The following CNTN4 variants were observed in gnomAD, a reference collection of about 807,000 sequenced individuals.
CNTN4 encodes the protein contactin-4.
In CNTN4, 77 loss-of-function variants were observed where a neutral mutation model predicts 122.5. The observed-to-expected ratio is 0.63, with a 90% CI of 0.52 to 0.76. The LOEUF (loss-of-function observed/expected upper bound fraction) is 0.76, where lower values mean the gene tolerates loss of function less well. CNTN4 is among the 30% of genes least tolerant of loss of function. The pLI is 0.00. For missense variants in CNTN4, 1,256 were observed against 1,259.1 expected, an observed-to-expected ratio of 1.00 and a Z score of 0.04; for synonymous variants, 512 against 447.0, an observed-to-expected ratio of 1.15 and a Z score of -1.83.
intron 3 of CNTN4, among the ~76,000 whole-genome samples, chr3:2,542,998 A>C (rs1005028862): frequency 1.3e-5 from 2 of 152,172 alleles, no homozygotes. Context: ...AATCATCAGC[A>C]TTAACACAGA....
At chr3:2,896,660 G>T (rs1364828851) in intron 10 of CNTN4, among the ~76,000 whole-genome samples, 1 of 152,092 alleles carries the variant, frequency 6.6e-6, no homozygotes, top group Non-Finnish European at 1.5e-5. Flanking sequence ...CTGAATTTGA[G>T]GTAATATGAG....
intron 4 of CNTN4, among the ~76,000 whole-genome samples, chr3:2,705,829 T>TATATATA (rs1219322895): frequency 3.7e-4 from 39 of 105,460 alleles, no homozygotes; most frequent in African/African-American, 9.3e-4. Context: ...ATATAATAAA[T>TATATATA]ATATATAATA....
At chr3:2,793,266 C>G (rs575833706) in intron 6 of CNTN4, among the ~76,000 whole-genome samples, 3 of 152,120 alleles carry the variant, frequency 2.0e-5, no homozygotes, top group African/African-American at 7.2e-5. Context: ...TATATGAAGG[C>G]TGGTTAATCA....
intron 3 of CNTN4, among the ~76,000 whole-genome samples, chr3:2,518,352 G>C (rs374185898): frequency 6.6e-6 from 1 of 151,968 alleles, no homozygotes; most frequent in Non-Finnish European, 1.5e-5. Flanking sequence ...AATCATTTTC[G>C]TAATACATGA....
intron 4 of CNTN4, among the ~76,000 whole-genome samples, chr3:2,622,687 C>A (rs994991850): frequency 6.6e-6 from 1 of 152,150 alleles, no homozygotes. Context: ...GTTTGCCAGA[C>A]CTTTTGAGTT....
intron 2 of CNTN4, among the ~76,000 whole-genome samples, chr3:2,204,524 T>A (rs2038248676): frequency 6.6e-6 from 1 of 152,206 alleles, no homozygotes; most frequent in South Asian, 2.1e-4. Flanking sequence ...AAAGTAAAAC[T>A]TCTGAATGGC....
chr3:2,113,141 T>G (rs1559253101), intron 2 of CNTN4, among the ~76,000 whole-genome samples: 1 of 152,176 alleles, frequency 6.6e-6, no homozygotes, highest in Non-Finnish European at 1.5e-5. Flanking sequence ...TGCTCTCAAT[T>G]GCCTGAATTA....
rs116647617 is a variant in CNTN4 at position 2,827,077 on chromosome 3, G to C, written c.454+7496G>C. Among the ~76,000 whole-genome samples, 1,227 of 152,158 alleles carry C rather than the reference G, an allele frequency of 8.1e-3. 21 individuals carry two copies. The highest frequency in any genetic ancestry group is 0.028 in the African/African-American group (1,142 of 41,490). ...AGGAAGTCTAGTTACTGGGCCCCACGCATCATATCAGACCTCCTTGGCTAT... is the reference window on the plus strand; with the variant it reads ...AGGAAGTCTAGTTACTGGGCCCCACCCATCATATCAGACCTCCTTGGCTAT... On this transcript the variant is annotated intron_variant, in intron 7 of 24. Transcript: ENST00000418658.
chr3:2,664,413 A>T (rs2084048822), intron 4 of CNTN4, among the ~76,000 whole-genome samples: 1 of 151,868 alleles, frequency 6.6e-6, no homozygotes, highest in Non-Finnish European at 1.5e-5. Context: ...CATCACCTAT[A>T]TTTTTTTTCC....
At chr3:2,502,642 C>T (rs765242966) in intron 3 of CNTN4, among the ~76,000 whole-genome samples, 70 of 152,134 alleles carry the variant, frequency 4.6e-4, no homozygotes, top group Non-Finnish European at 5.7e-4. Context: ...TTTTTCTTTC[C>T]TTTTGTTTAA....
chr3:2,929,661 C>T (rs1201445537), intron 13 of CNTN4, among the ~76,000 whole-genome samples: 2 of 152,180 alleles, frequency 1.3e-5, no homozygotes, highest in Non-Finnish European at 2.9e-5. Context: ...GCTGTTTTGG[C>T]TTCTTTTCCA....
chr3:2,736,304 A>G lies in CNTN4; in HGVS notation c.145A>G (p.Asn49Asp), dbSNP rs2089083829. 6.2e-7 allele frequency: 1 copy of G among 1,613,802 alleles called. No homozygotes were observed. The highest frequency in any genetic ancestry group is 1.3e-5 in the African/African-American group (1 of 75,014). Residue 49 changes from asparagine (N) to aspartate (D), a missense_variant, in exon 5 of 25, where the codon AAT becomes GAT. By Grantham distance (23) the Asn-to-Asp change is conservative. Coordinates refer to ENST00000418658, the MANE Select transcript of CNTN4 (RefSeq NM_175607.3). ...TTCTGAGGAGAAAAAAGTGAAGCTCAATTGTGAAGTTAAAGGAAATCCAAA... is the reference window on the plus strand; with the variant it reads ...TTCTGAGGAGAAAAAAGTGAAGCTCGATTGTGAAGTTAAAGGAAATCCAAA... ...LDSEEKKVKL[N>D]CEVKGNPKPH...
intron 14 of CNTN4, among the ~76,000 whole-genome samples, chr3:3,006,798 C>A (rs908635120): frequency 6.6e-6 from 1 of 152,144 alleles, no homozygotes; most frequent in Non-Finnish European, 1.5e-5. Context: ...TAGAAGTTTC[C>A]GTTTTTCCTC....
chr3:2,477,039 C>G (rs2151547004), intron 3 of CNTN4, among the ~76,000 whole-genome samples: 1 of 152,192 alleles, frequency 6.6e-6, no homozygotes, highest in East Asian at 1.9e-4. Flanking sequence ...AACCCCTAAC[C>G]AAGATTGGAA....
chr3:2,968,340 A>G (rs1692540060), intron 13 of CNTN4, among the ~76,000 whole-genome samples: 2 of 152,198 alleles, frequency 1.3e-5, no homozygotes, highest in Admixed American at 6.5e-5. Flanking sequence ...AAGGAAAAAA[A>G]TGTGGAAAGG....
At chr3:2,542,633 C>G (rs1027679693) in intron 3 of CNTN4, among the ~76,000 whole-genome samples, 9 of 152,108 alleles carry the variant, frequency 5.9e-5, no homozygotes, top group African/African-American at 1.9e-4. Context: ...ACAAATATTT[C>G]CAGATTCGTT....
At chr3:2,329,190 C>A (rs1453042299) in intron 2 of CNTN4, among the ~76,000 whole-genome samples, 1 of 152,186 alleles carries the variant, frequency 6.6e-6, no homozygotes, top group East Asian at 1.9e-4. Flanking sequence ...ATACTGTCTA[C>A]CAGCAGAAGT....
At position 2,175,026 on chromosome 3, in the gene CNTN4, A is replaced by C. The variant is rs114318018; in HGVS notation, c.-145+74387A>C. On this transcript the variant is annotated intron_variant, in intron 2 of 24. Transcript: ENST00000418658. ...TCAACATGAGATTTGGGTGGGGTCA[A>C]ATGTTCCAACTATATCACTATCACA... Among the ~76,000 whole-genome samples the C allele has an allele frequency of 9.2e-5, 14 of 152,332 alleles. No individual in the cohort carries two copies. The South Asian group carries it at 1.0e-3, about 11-fold the overall frequency.
chr3:2,382,881 C>A (rs896964536), intron 3 of CNTN4, among the ~76,000 whole-genome samples: 1 of 152,110 alleles, frequency 6.6e-6, no homozygotes. Flanking sequence ...CGAGACCAGC[C>A]TGGCCAACAT....
Sources: allele counts gnomAD v4.1 joint callset (sites outside exome capture counted in the v4.1 genomes callset), GRCh38; gene constraint gnomAD v4.1.1; transcripts MANE v1.5; gene names NCBI Gene and HGNC (gene_info 2026-07-23, HGNC 2026-07-21).